Variants in PLAT observed in about 807,000 individuals in gnomAD.
The protein encoded by PLAT is plasminogen activator, tissue type.
A neutral mutation model predicts 74.9 loss-of-function variants in PLAT; 48 were observed. The ratio of observed to expected loss-of-function variants is 0.64; its 90% CI spans 0.51 to 0.82. The LOEUF is 0.82. Ranked by LOEUF, PLAT falls within the 40% of genes least tolerant of loss-of-function variation. PLAT has a pLI of 0.00. For synonymous variants in PLAT, 307 were observed against 294.4 expected (o/e 1.04, Z -0.44); for missense variants, 673 against 736.2 (o/e 0.91, Z 0.99).
In PLAT at chr8:42,180,294, T is replaced by G. The variant is rs757237150; in HGVS notation, c.1170A>C (p.Glu390Asp). ...PGEEEQKFEV[E>D]KYIVHKEFDD... ...CGAATTCCTTATGGACAATGTATTT[T>G]TCGACTTCAAATTTCTGCTCCTCCT... is the stretch of plus-strand genomic sequence containing the variant. The change falls in exon 11 of 14, where the codon GAA becomes GAC. Residue 390 changes from glutamate (E) to aspartate (D), a missense_variant. Transcript: ENST00000220809. 6.2e-7 allele frequency: 1 copy of G among 1,614,118 alleles called. No homozygotes were observed. Among genetic ancestry groups the G allele is most frequent in the Non-Finnish European group, 8.5e-7 (1 of 1,180,026 alleles).
rs376455032 is a variant in PLAT at position 42,187,558 on chromosome 8, A to T, written c.379T>A (p.Cys127Ser). The T allele has an allele frequency of 1.6e-5, 26 of 1,599,398 alleles. No homozygotes were observed. Among genetic ancestry groups the T allele is most frequent in the Non-Finnish European group, 2.2e-5 (26 of 1,170,920 alleles). The change falls in exon 6 of 14, where the codon TGC becomes AGC. Residue 127 changes from cysteine (C) to serine (S), a missense_variant. Physicochemically the swap from Cys to Ser is moderately radical, Grantham distance 112. Transcript: ENST00000220809. Reference sequence around the variant, plus strand: ...TAGCTGATGCCCTGGTCCTCGTAGCACGTGGCCCTGGTATCTGACAGAGAG... The same window carrying T: ...TAGCTGATGCCCTGGTCCTCGTAGCTCGTGGCCCTGGTATCTGACAGAGAG... ...KCCEIDTRATCYEDQGISYRG... is the reference protein window; with the variant it reads ...KCCEIDTRATSYEDQGISYRG...
chr8:42,194,050 C>CTTTCTTTTTTT (rs1805798207), intron 1 of PLAT, among the ~76,000 whole-genome samples: 1 of 84,910 alleles, frequency 1.2e-5, no homozygotes, highest in African/African-American at 5.0e-5. Flanking sequence ...TTTCTTCTTT[C>CTTTCTTTTTTT]TTTTTTTTTT....
At chr8:42,203,554 A>G (rs1401765151) in intron 1 of PLAT, among the ~76,000 whole-genome samples, 1 of 152,210 alleles carries the variant, frequency 6.6e-6, no homozygotes, top group African/African-American at 2.4e-5. Flanking sequence ...ACTCTGTCAC[A>G]GGTGTTATTT....
intron 1 of PLAT, among the ~76,000 whole-genome samples, chr8:42,206,041 C>T (rs1806318359): frequency 6.6e-6 from 1 of 152,230 alleles, no homozygotes; most frequent in African/African-American, 2.4e-5. Context: ...CAGCTATTCC[C>T]TGGCTGCCTG....
intron 4 of PLAT, 78 bp downstream of exon 4, chr8:42,188,856 C>T (rs1805582400): frequency 2.3e-6 from 3 of 1,307,650 alleles, no homozygotes; most frequent in Non-Finnish European, 3.3e-6. Context: ...AACTCCCGGG[C>T]TCCAGCGACC....
chr8:42,196,649 C>T (rs922577339), intron 1 of PLAT, among the ~76,000 whole-genome samples: 1 of 152,038 alleles, frequency 6.6e-6, no homozygotes, highest in African/African-American at 2.4e-5. Flanking sequence ...GACCGCAGGG[C>T]GTGGCTGGGA....
chr8:42,191,632 G>A (rs2129767711), intron 2 of PLAT, among the ~76,000 whole-genome samples: 1 of 152,226 alleles, frequency 6.6e-6, no homozygotes, highest in South Asian at 2.1e-4. Flanking sequence ...TTTCTGCTTG[G>A]TGGAAATGTT....
intron 13 of PLAT, among the ~76,000 whole-genome samples, chr8:42,176,803 T>C (rs769560075): frequency 4.6e-5 from 7 of 152,294 alleles, no homozygotes; most frequent in Non-Finnish European, 8.8e-5. Context: ...TCTCCAAAAA[T>C]TGGGTAAATA....
At chr8:42,194,794 A>ACCCCC (rs8178720) in intron 1 of PLAT, among the ~76,000 whole-genome samples, 6 of 121,820 alleles carry the variant, frequency 4.9e-5, no homozygotes, top group South Asian at 2.5e-4. Flanking sequence ...CTCCACGCCC[A>ACCCCC]CCCCCCCCAC....
chr8:42,179,817 C>T, intron 12 of PLAT, 109 bp downstream of exon 12: 2 of 1,164,546 alleles, frequency 1.7e-6, no homozygotes, highest in East Asian at 2.6e-5. Flanking sequence ...GCGTCAGTGC[C>T]TGACCCGGGG....
intron 6 of PLAT, chr8:42,186,364 A>T (rs1029577120): frequency 5.9e-5 from 9 of 152,192 alleles, no homozygotes; most frequent in Non-Finnish European, 1.3e-4. Flanking sequence ...AAAAATGCAG[A>T]TGAACTGAGC....
intron 2 of PLAT, 46 bp from the exon 3 acceptor site, chr8:42,191,460 G>C: frequency 5.0e-6 from 8 of 1,591,574 alleles, no homozygotes; most frequent in Non-Finnish European, 6.9e-6. Context: ...CATGCCAGGT[G>C]TACTAAGAGT....
intron 1 of PLAT, among the ~76,000 whole-genome samples, chr8:42,197,043 C>G (rs1314120204): frequency 1.3e-5 from 2 of 152,132 alleles, no homozygotes; most frequent in Non-Finnish European, 1.5e-5. Flanking sequence ...GTCAGGCCAC[C>G]CTAGCACACA....
At chr8:42,182,389 A>G (rs8178776) in intron 8 of PLAT, 1,863 of 104,046 alleles carry the variant, frequency 0.018, 234 homozygotes, top group African/African-American at 0.084. Flanking sequence ...GTAGTGTTCT[A>G]ATCTCATAGG....
chr8:42,199,957 A>G (rs1470727957), intron 1 of PLAT, among the ~76,000 whole-genome samples: 2 of 152,246 alleles, frequency 1.3e-5, no homozygotes, highest in Non-Finnish European at 2.9e-5. Flanking sequence ...ATGATTTGAC[A>G]ATTCTCCAGC....
At chr8:42,185,450 G>C (rs537472101) in intron 6 of PLAT, 1 of 231,990 alleles carries the variant, frequency 4.3e-6, no homozygotes, top group African/African-American at 2.3e-5. Flanking sequence ...TTTTAGTAGA[G>C]ACAGGGTTTC....
chr8:42,198,542 A>C (rs1443566409), intron 1 of PLAT, among the ~76,000 whole-genome samples: 1 of 152,254 alleles, frequency 6.6e-6, no homozygotes. Flanking sequence ...ACATGTAGTC[A>C]ATCAATGAAA....
At chr8:42,180,115 G>A (rs1051863830) in intron 11 of PLAT, 49 bp from the exon 12 acceptor site, 21 of 1,587,984 alleles carry the variant, frequency 1.3e-5, no homozygotes, top group Non-Finnish European at 1.7e-5. Flanking sequence ...CGCGTCCCCG[G>A]GAGGGGAGGA....
Position 42,180,503 on chromosome 8 carries a change from A to G in PLAT, c.1072T>C (p.Cys358Arg). The G allele has an allele frequency of 6.2e-7, 1 of 1,614,084 alleles. No individual in the cohort carries two copies. Among genetic ancestry groups the G allele is most frequent in the Admixed American group, 1.7e-5 (1 of 60,036 alleles). Residue 358 changes from cysteine to arginine, a missense_variant, in exon 10 of 14, where the codon TGC (cysteine) becomes CGC (arginine). Transcript: ENST00000220809. Reference sequence around the variant, plus strand: ...CCGAGCCCCTACCTCTCCTGGAAGCAGTGGGCGGCAGAGAGAATCCAGCAG... The same window carrying G: ...CCGAGCCCCTACCTCTCCTGGAAGCGGTGGGCGGCAGAGAGAATCCAGCAG... Reference protein sequence around the residue: ...SSCWILSAAHCFQERFPPHHL... With the variant: ...SSCWILSAAHRFQERFPPHHL...
Sources: allele counts gnomAD v4.1 joint callset (sites outside exome capture counted in the v4.1 genomes callset), GRCh38; gene constraint gnomAD v4.1.1; transcripts MANE v1.5; gene names NCBI Gene and HGNC (gene_info 2026-07-23, HGNC 2026-07-21).